Variants in MACROD1 observed in about 807,000 individuals in gnomAD.
MACROD1 encodes the protein mono-ADP ribosylhydrolase 1.
In MACROD1, 31 loss-of-function variants were observed where a neutral mutation model predicts 41.4. The ratio of observed to expected loss-of-function variants is 0.75; its 90% CI spans 0.56 to 1.01. MACROD1 has a LOEUF of 1.01. MACROD1 is among the 50% of genes least tolerant of loss of function. MACROD1 has a pLI of 0.00. For missense variants in MACROD1, 473 were observed against 460.0 expected, an observed-to-expected ratio of 1.03 and a Z score of -0.26; for synonymous variants, 252 against 203.4, an observed-to-expected ratio of 1.24 and a Z score of -2.03.
chr11:64,067,645 G>A lies in MACROD1; in HGVS notation c.518-52364C>T, dbSNP rs532120408. On this transcript the variant is annotated intron_variant, in intron 3 of 10. Coordinates refer to ENST00000255681, the MANE Select transcript of MACROD1 (RefSeq NM_014067.4). The surrounding 1 kb of genome is among the most constrained non-coding windows in gnomAD (Gnocchi z 4.6). ...CCCGTGGCCTCCGGTGCACACACAG[G>A]GTCCCCAAGCAGGCAGCTGGAGGGC... 1.7e-4 allele frequency among the ~76,000 whole-genome samples: 26 copies of A among 152,250 alleles called. No homozygotes were observed. Among genetic ancestry groups the A allele is most frequent in the African/African-American group, 6.3e-4 (26 of 41,554 alleles).
intron 3 of MACROD1, among the ~76,000 whole-genome samples, chr11:64,141,402 C>A (rs987732527): frequency 9.9e-5 from 15 of 152,220 alleles, no homozygotes; most frequent in African/African-American, 3.6e-4. Context: ...GGAGCGGGGG[C>A]ACTGTGGCCA....
intron 3 of MACROD1, among the ~76,000 whole-genome samples, chr11:64,123,536 GGT>G (rs1274271290): frequency 1.4e-5 from 2 of 141,308 alleles, no homozygotes; most frequent in East Asian, 2.4e-4. Context: ...CGATGGGTGG[GGT>G]GGGGGGGTTG....
intron 3 of MACROD1, among the ~76,000 whole-genome samples, chr11:64,028,363 C>T (rs1226809569): frequency 6.6e-6 from 1 of 152,282 alleles, no homozygotes; most frequent in Non-Finnish European, 1.5e-5. Context: ...TTAGGGCCCC[C>T]CTGGCCTGGG....
At chr11:64,107,434 T>C (rs900999415) in intron 3 of MACROD1, among the ~76,000 whole-genome samples, 2 of 152,176 alleles carry the variant, frequency 1.3e-5, no homozygotes, top group Non-Finnish European at 2.9e-5. Context: ...CCTGTTTTTT[T>C]AAAAGCGATT....
intron 4 of MACROD1, among the ~76,000 whole-genome samples, chr11:64,005,064 T>C (rs1343027025): frequency 2.0e-5 from 3 of 152,074 alleles, no homozygotes; most frequent in Non-Finnish European, 4.4e-5. Context: ...AGTTTTTTGC[T>C]CGTTGCCCAG....
chr11:64,011,085 CTGGGGTGTTGGTTGGCATGTTGGT>C (rs994001897), intron 4 of MACROD1, among the ~76,000 whole-genome samples: 1 of 121,860 alleles, frequency 8.2e-6, no homozygotes, highest in Non-Finnish European at 1.7e-5. Flanking sequence ...GAAGTGTTGG[CTGGGGTGTTGGTTGGCATGTTGGT>C]TGGGGTGTTG....
Position 64,118,186 on chromosome 11 carries a change from C to A in MACROD1, c.517+33053G>T, listed in dbSNP as rs751994874. On this transcript the variant is annotated intron_variant, in intron 3 of 10. Coordinates refer to ENST00000255681, the MANE Select transcript of MACROD1 (RefSeq NM_014067.4). ...GAGTACGTGGTCCACACTATCTTCC[C>A]CTCCAACGGCAGCAGCCTCTGCAAG... is the stretch of plus-strand genomic sequence containing the variant. The A allele has an allele frequency of 7.4e-5, 120 of 1,613,436 alleles. No individual in the cohort carries two copies. The Admixed American group carries it at 1.9e-3, about 25-fold the overall frequency.
chr11:64,086,253 C>G (rs1026394770), intron 3 of MACROD1, among the ~76,000 whole-genome samples: 10 of 151,692 alleles, frequency 6.6e-5, no homozygotes, highest in African/African-American at 2.4e-4. Context: ...CATTCGGGGC[C>G]AGAGGGAGGC....
At chr11:64,110,050 G>A (rs1194324735) in intron 3 of MACROD1, among the ~76,000 whole-genome samples, 1 of 152,124 alleles carries the variant, frequency 6.6e-6, no homozygotes, top group Non-Finnish European at 1.5e-5. Context: ...CACATATAAT[G>A]TCAGTGAATC....
In MACROD1 at chr11:64,008,767, G is replaced by A. The variant is rs1323131531; in HGVS notation, c.547+6485C>T. On this transcript the variant is annotated intron_variant, in intron 4 of 10. Coordinates refer to ENST00000255681, the MANE Select transcript of MACROD1 (RefSeq NM_014067.4). ...CAGGCTCGGCTCCTGCAGTTTGAGC[G>A]GGGTCGCTAACCTCAGGAAGGCCCC... Among the ~76,000 whole-genome samples, 5 of 152,162 alleles carry A rather than the reference G, an allele frequency of 3.3e-5. No individual in the cohort carries two copies. The East Asian group carries it at 7.7e-4, about 23-fold the overall frequency.
At chr11:64,157,816 G>A (rs117843679) in intron 1 of MACROD1, among the ~76,000 whole-genome samples, 1 of 152,350 alleles carries the variant, frequency 6.6e-6, no homozygotes, top group Non-Finnish European at 1.5e-5. Context: ...CAGGTGGGCA[G>A]GGCTGATAAA....
intron 3 of MACROD1, among the ~76,000 whole-genome samples, chr11:64,057,810 C>T (rs907850069): frequency 3.9e-5 from 6 of 152,372 alleles, no homozygotes; most frequent in South Asian, 2.1e-4. Flanking sequence ...TGGGCATGTT[C>T]GCGGGTCCAG....
chr11:64,003,280 C>T (rs2134322079), intron 4 of MACROD1, among the ~76,000 whole-genome samples: 1 of 152,300 alleles, frequency 6.6e-6, no homozygotes, highest in South Asian at 2.1e-4. Flanking sequence ...TGCAGTGGTG[C>T]AATCTTGGCT....
In MACROD1 at chr11:64,122,650, G is replaced by A. The variant is rs1467483013; in HGVS notation, c.517+28589C>T. ...AGGGTTTGGTGAGAATACAGCCTCT[G>A]TTTCCCCTTCTGTAAAGTGGGGGTG... On this transcript the variant is annotated intron_variant, in intron 3 of 10. Coordinates refer to ENST00000255681, the MANE Select transcript of MACROD1 (RefSeq NM_014067.4). This position sits in a 1 kb window ranked among gnomAD's most constrained non-coding sequence, Gnocchi z 4.0. Among the ~76,000 whole-genome samples the A allele has an allele frequency of 6.6e-6, 1 of 152,198 alleles. No homozygotes were observed. Among genetic ancestry groups the A allele is most frequent in the Non-Finnish European group, 1.5e-5 (1 of 68,028 alleles).
chr11:64,134,466 G>C (rs1343338349), intron 3 of MACROD1, among the ~76,000 whole-genome samples: 1 of 152,218 alleles, frequency 6.6e-6, no homozygotes, highest in Non-Finnish European at 1.5e-5. Flanking sequence ...TGAACCCACA[G>C]GGAGGAGGGA....
At chr11:64,051,779 G>A (rs1259103275) in intron 3 of MACROD1, among the ~76,000 whole-genome samples, 1 of 152,110 alleles carries the variant, frequency 6.6e-6, no homozygotes, top group Admixed American at 6.5e-5. Context: ...ACTTCTGAGG[G>A]TGCCCATTGC....
chr11:64,093,759 G>T (rs529126444), intron 3 of MACROD1, among the ~76,000 whole-genome samples: 2 of 152,204 alleles, frequency 1.3e-5, no homozygotes, highest in Non-Finnish European at 2.9e-5. Context: ...GTGTCTCTAA[G>T]AGCCCAGAAC....
intron 3 of MACROD1, among the ~76,000 whole-genome samples, chr11:64,089,870 G>A (rs1944459412): frequency 6.6e-6 from 1 of 152,194 alleles, no homozygotes; most frequent in Non-Finnish European, 1.5e-5. Context: ...TGGTGCTGGA[G>A]TCGAGACCAG....
At chr11:64,100,485 C>T (rs573133174) in intron 3 of MACROD1, among the ~76,000 whole-genome samples, 6 of 152,268 alleles carry the variant, frequency 3.9e-5, no homozygotes, top group Non-Finnish European at 8.8e-5. Context: ...GAGGCCAAGG[C>T]GAGGAGTGTA....
Sources: gnomAD v4.1 joint callset for allele counts (sites outside exome capture counted in the v4.1 genomes callset) on GRCh38, gnomAD v4.1.1 for gene constraint, Gnocchi (gnomAD v3.1) non-coding constraint, MANE v1.5 for transcripts, NCBI Gene and HGNC (gene_info 2026-07-23, HGNC 2026-07-21) for gene names.